Variants in TPD52 observed in about 807,000 individuals in gnomAD.
TPD52 encodes tumor protein D52.
TPD52 carries 17 observed loss-of-function variants against 31.3 expected under a neutral mutation model. That is an observed-to-expected ratio of 0.54 (90% CI 0.37 to 0.82). TPD52 has a LOEUF of 0.82. TPD52 is among the 40% of genes least tolerant of loss of function. The probability of loss-of-function intolerance (pLI) is 0.00; values close to 1 mark genes in which losing one functional copy is unlikely to be tolerated. For missense variants in TPD52, 212 were observed against 240.1 expected, an observed-to-expected ratio of 0.88 and a Z score of 0.77; for synonymous variants, 83 against 89.6, an observed-to-expected ratio of 0.93 and a Z score of 0.42.
intron 7 of TPD52, among the ~76,000 whole-genome samples, chr8:80,041,856 G>A (rs60629205): frequency 0.013 from 1,968 of 152,204 alleles, 60 homozygotes; most frequent in African/African-American, 0.043. Context: ...TTGGGAGGCC[G>A]AGGCGGGCGG....
intron 1 of TPD52, among the ~76,000 whole-genome samples, chr8:80,070,845 T>A (rs961488310): frequency 6.6e-6 from 1 of 152,212 alleles, no homozygotes; most frequent in Non-Finnish European, 1.5e-5. Flanking sequence ...TCCTAACCCC[T>A]GACAACAATG....
At chr8:80,139,966 T>C (rs1164070654) in intron 1 of TPD52, among the ~76,000 whole-genome samples, 6 of 152,194 alleles carry the variant, frequency 3.9e-5, no homozygotes, top group Non-Finnish European at 8.8e-5. Flanking sequence ...GGCTCCATGT[T>C]AGCAGTAAGC....
At chr8:80,071,833 C>T (rs1297381423) in intron 1 of TPD52, among the ~76,000 whole-genome samples, 3 of 152,112 alleles carry the variant, frequency 2.0e-5, no homozygotes, top group South Asian at 2.1e-4. Context: ...TATCTGACGA[C>T]GCCACTCCCG....
intron 1 of TPD52, among the ~76,000 whole-genome samples, chr8:80,069,842 C>T (rs779347031): frequency 3.9e-5 from 6 of 151,960 alleles, no homozygotes; most frequent in Non-Finnish European, 5.9e-5. Flanking sequence ...TGTGTGTGTG[C>T]GAGTGTGGTC....
At chr8:80,144,616 A>C (rs1172593992) in intron 1 of TPD52, among the ~76,000 whole-genome samples, 1 of 152,196 alleles carries the variant, frequency 6.6e-6, no homozygotes, top group Non-Finnish European at 1.5e-5. Context: ...TGGTCTTCCC[A>C]GGGAAGTTCA....
chr8:80,063,987 GGAGGGGAAGGAAGAAAGA>G (rs1288264252), intron 2 of TPD52, among the ~76,000 whole-genome samples: 1 of 135,744 alleles, frequency 7.4e-6, no homozygotes, highest in Non-Finnish European at 1.6e-5. Flanking sequence ...GGGGAGGGAG[GGAGGGGAAGGAAGAAAGA>G]GAGGGGAAGG....
chr8:80,125,671 T>C (rs1442729591), intron 1 of TPD52, among the ~76,000 whole-genome samples: 1 of 152,196 alleles, frequency 6.6e-6, no homozygotes, highest in Non-Finnish European at 1.5e-5. Flanking sequence ...TATAATTCAT[T>C]AACATTCATT....
chr8:80,162,687 C>G (rs1811438961), intron 1 of TPD52, among the ~76,000 whole-genome samples: 2 of 151,918 alleles, frequency 1.3e-5, no homozygotes, highest in South Asian at 4.2e-4. Flanking sequence ...AAAATATTTG[C>G]AAACCAAACA....
chr8:80,083,725 G>A (rs955221879), intron 1 of TPD52, among the ~76,000 whole-genome samples: 1 of 152,164 alleles, frequency 6.6e-6, no homozygotes, highest in East Asian at 1.9e-4. Context: ...ATAGCAGTGT[G>A]AGAATGGACT....
chr8:80,110,323 A>G (rs917200856), intron 1 of TPD52, among the ~76,000 whole-genome samples: 9 of 152,146 alleles, frequency 5.9e-5, no homozygotes, highest in Non-Finnish European at 1.2e-4. Context: ...AAACATCAAC[A>G]GCATACCAGA....
At chr8:80,125,376 C>A (rs1460401411) in intron 1 of TPD52, among the ~76,000 whole-genome samples, 1 of 152,120 alleles carries the variant, frequency 6.6e-6, no homozygotes, top group African/African-American at 2.4e-5. Context: ...TACGATCCTG[C>A]CACTGAACTC....
chr8:80,085,289 C>T (rs771674587), intron 1 of TPD52, among the ~76,000 whole-genome samples: 21 of 152,142 alleles, frequency 1.4e-4, no homozygotes, highest in Non-Finnish European at 1.5e-4. Flanking sequence ...TAACCGGAGA[C>T]GACTCATGTC....
chr8:80,034,943 G>A lies in TPD52; in HGVS notation c.*3173C>T, dbSNP rs1027320713. On this transcript the variant is annotated 3_prime_UTR_variant, in exon 8 of 8. Coordinates refer to ENST00000518937, the MANE Select transcript of TPD52 (RefSeq NM_001025253.3). ...AGCACTTGCAGACCCGACTCTCTGAGAACTTACAAACAAAAAGTGAAAAGC... is the reference window on the plus strand; with the variant it reads ...AGCACTTGCAGACCCGACTCTCTGAAAACTTACAAACAAAAAGTGAAAAGC... 9 of 151,212 alleles carry A rather than the reference G, an allele frequency of 6.0e-5. No homozygotes were observed. Among genetic ancestry groups the A allele is most frequent in the East Asian group, 1.9e-4 (1 of 5,202 alleles). The allele number at this position is 151,212 out of a possible 1,614,324, so 9.4% of individuals were successfully genotyped here. A position where few individuals can be genotyped will look rare whatever the true frequency, so the allele number is the denominator to read the frequency against.
intron 1 of TPD52, among the ~76,000 whole-genome samples, chr8:80,138,661 C>G (rs1809609262): frequency 6.6e-6 from 1 of 152,208 alleles, no homozygotes; most frequent in Admixed American, 6.5e-5. Flanking sequence ...CTTTTGACAA[C>G]TGCTCAGATC....
intron 1 of TPD52, among the ~76,000 whole-genome samples, chr8:80,141,325 G>A (rs1031955590): frequency 4.6e-5 from 7 of 152,024 alleles, no homozygotes; most frequent in Non-Finnish European, 1.0e-4. Flanking sequence ...CCCCTTCCAC[G>A]TGGCACCAGG....
intron 1 of TPD52, among the ~76,000 whole-genome samples, chr8:80,111,794 C>T (rs1245264258): frequency 1.3e-5 from 2 of 152,192 alleles, no homozygotes; most frequent in Non-Finnish European, 2.9e-5. Context: ...ATGACAACTG[C>T]ACAGCTCACA....
In TPD52 at chr8:80,044,218, A is replaced by G. The variant is rs1164603541; in HGVS notation, c.414-10T>C. 1 of 1,572,512 alleles carries G rather than the reference A, an allele frequency of 6.4e-7. No homozygotes were observed. The highest frequency in any genetic ancestry group is 8.6e-7 in the Non-Finnish European group (1 of 1,164,716). On this transcript the variant is annotated splice_polypyrimidine_tract_variant and intron_variant, in intron 5 of 7. Transcript: ENST00000518937. ...CTGAATGGAACGTATACTAAGAGGC[A>G]GCATTAAAAAGAGATAGAAATAAGG...
rs750382987 is a variant in TPD52 at position 80,044,220 on chromosome 8, C to A, written c.414-12G>T. The A allele has an allele frequency of 2.1e-5, 33 of 1,569,862 alleles. No homozygotes were observed. The highest frequency in any genetic ancestry group is 2.8e-5 in the Non-Finnish European group (33 of 1,163,522). On this transcript the variant is annotated splice_polypyrimidine_tract_variant and intron_variant, in intron 5 of 7. Coordinates refer to ENST00000518937, the MANE Select transcript of TPD52 (RefSeq NM_001025253.3). ...GAATGGAACGTATACTAAGAGGCAGCATTAAAAAGAGATAGAAATAAGGTT... is the reference window on the plus strand; with the variant it reads ...GAATGGAACGTATACTAAGAGGCAGAATTAAAAAGAGATAGAAATAAGGTT...
intron 1 of TPD52, chr8:80,123,001 T>C (rs956421326): frequency 3.3e-5 from 5 of 152,282 alleles, no homozygotes; most frequent in Non-Finnish European, 5.9e-5. Context: ...CAGTGGGGCA[T>C]GGAGTAGGAA....
Sources: allele counts gnomAD v4.1 joint callset (sites outside exome capture counted in the v4.1 genomes callset), GRCh38; gene constraint gnomAD v4.1.1; transcripts MANE v1.5; gene names NCBI Gene and HGNC (gene_info 2026-07-23, HGNC 2026-07-21).